Variants in MIGA2 observed in about 807,000 individuals in gnomAD.
MIGA2 encodes family with sequence similarity 73, member B.
A neutral mutation model predicts 69.9 loss-of-function variants in MIGA2; 36 were observed. The ratio of observed to expected loss-of-function variants is 0.52; its 90% confidence interval spans 0.39 to 0.68. The LOEUF is 0.68. MIGA2 is among the 30% of genes least tolerant of loss of function. The probability of loss-of-function intolerance (pLI) is 0.00; values close to 1 mark genes in which losing one functional copy is unlikely to be tolerated. For synonymous variants in MIGA2, 333 were observed against 349.2 expected (o/e 0.95, Z 0.52); for missense variants, 660 against 787.7 (o/e 0.84, Z 1.94).
chr9:129,060,827 G>T lies in MIGA2; in HGVS notation c.894+177G>T, dbSNP rs930253400. On this transcript the variant is annotated intron_variant, in intron 8 of 15. Coordinates refer to ENST00000684074, the MANE Select transcript of MIGA2 (RefSeq NM_001329990.2). The surrounding 1 kb of genome is among the most constrained non-coding windows in gnomAD (Gnocchi z 4.8). ...GGATGGGGGGTGCTGAGAAATCGGG[G>T]GCTGTTGTCCTGTGGGTGAGAGCAG... Among the ~76,000 whole-genome samples the T allele has an allele frequency of 5.9e-5, 9 of 152,004 alleles. No individual in the cohort carries two copies. Among genetic ancestry groups the T allele is most frequent in the African/African-American group, 2.2e-4 (9 of 41,414 alleles).
Position 129,040,690 on chromosome 9 carries a change from G to C in MIGA2, c.96G>C (p.Gln32His), listed in dbSNP as rs1264625408. ...TGTTCCTGTACACGACGTTTGGGCA[G>C]GTAAGGATCAGGGTGGGTTGTACCT... ...IPVFLYTTFG[Q>H]SAFSQLRLTP... is the part of the protein sequence containing the mutation. Residue 32 changes from glutamine to histidine, a missense_variant and splice_region_variant, in exon 2 of 16, where the codon CAG becomes CAC. Around this residue, in one of 3 missense-constraint regions of MIGA2, gnomAD observed 54 missense variants for 84.0 expected, o/e 0.64. Transcript: ENST00000684074. 6.2e-7 allele frequency: 1 copy of C among 1,613,008 alleles called. No individual in the cohort carries two copies. Among genetic ancestry groups the C allele is most frequent in the African/African-American group, 1.3e-5 (1 of 74,928 alleles).
chr9:129,056,081 C>A (rs74367449), intron 6 of MIGA2, among the ~76,000 whole-genome samples: 1 of 147,432 alleles, frequency 6.8e-6, no homozygotes, highest in East Asian at 2.0e-4. Flanking sequence ...AGCCCATGAT[C>A]TCATCACTGC....
intron 6 of MIGA2, among the ~76,000 whole-genome samples, chr9:129,054,871 G>A (rs958003385): frequency 6.6e-5 from 10 of 152,122 alleles, no homozygotes; most frequent in Non-Finnish European, 7.3e-5. Context: ...GAGTGAAATT[G>A]CGGGGATCAC....
intron 6 of MIGA2, 55 bp downstream of exon 6, chr9:129,050,018 A>T: frequency 1.9e-6 from 3 of 1,565,770 alleles, no homozygotes; most frequent in Non-Finnish European, 2.6e-6. Flanking sequence ...GCAGCACAGG[A>T]GAGGGGCGGC....
At position 129,054,960 on chromosome 9, in the gene MIGA2, C is replaced by T. The variant is rs7858609; in HGVS notation, c.676-4194C>T. The stretch of plus-strand genomic sequence containing the variant: ...TGGCTGGCGTGCAGTGGCACAATCT[C>T]GGCTCACCACAACCTCCACCCCCCA... On this transcript the variant is annotated intron_variant, in intron 6 of 15. Transcript: ENST00000684074. 2.0e-3 allele frequency among the ~76,000 whole-genome samples: 305 copies of T among 151,260 alleles called. 1 individual carries two copies. Among genetic ancestry groups the T allele is most frequent in the African/African-American group, 6.8e-3 (280 of 41,200 alleles).
chr9:129,040,410 G>A (rs1369657472), intron 1 of MIGA2, 42 bp from the exon 2 acceptor site: 10 of 1,324,652 alleles, frequency 7.5e-6, no homozygotes, highest in Middle Eastern at 2.0e-4. Context: ...GCATGTTCCC[G>A]TGTGCACGTT....
Position 129,064,720 on chromosome 9 carries a change from C to G in MIGA2, c.1170+1089C>G, listed in dbSNP as rs374906431. Among the ~76,000 whole-genome samples, 29 of 152,056 alleles carry G rather than the reference C, an allele frequency of 1.9e-4. No homozygotes were observed. In the East Asian group the frequency reaches 4.1e-3, roughly 21 times the overall value. ...AAGGGCCTGCTTCTAGTGCACCAGA[C>G]TTGCTGCCTGATCTGGGCTTTACAT... On this transcript the variant is annotated intron_variant, in intron 11 of 15. Coordinates refer to ENST00000684074, the MANE Select transcript of MIGA2 (RefSeq NM_001329990.2).
chr9:129,061,349 G>A lies in MIGA2; in HGVS notation c.1010+3G>A. ...AGAGTGCCTTGCCGGACCCTCAGGT[G>A]AGCAGGTGTGGAGGGAGGGAGGGAG... On this transcript the variant is annotated splice_donor_region_variant and intron_variant, in intron 9 of 15. Transcript: ENST00000684074. The surrounding 1 kb of genome is among the most constrained non-coding windows in gnomAD (Gnocchi z 5.0). The A allele has an allele frequency of 6.5e-7, 1 of 1,546,036 alleles. No individual in the cohort carries two copies. The highest frequency in any genetic ancestry group is 8.9e-7 in the Non-Finnish European group (1 of 1,125,112).
intron 3 of MIGA2, among the ~76,000 whole-genome samples, chr9:129,045,849 G>GTT (rs373346685): frequency 3.7e-5 from 5 of 136,168 alleles, no homozygotes; most frequent in African/African-American, 8.1e-5. Context: ...TAAGTGTTTT[G>GTT]TTTTTTTTTT....
intron 1 of MIGA2, among the ~76,000 whole-genome samples, chr9:129,037,290 G>A (rs1026149402): frequency 6.6e-6 from 1 of 152,140 alleles, no homozygotes; most frequent in African/African-American, 2.4e-5. Context: ...TCTAGCGCAG[G>A]GGAGGAGGCG....
intron 6 of MIGA2, among the ~76,000 whole-genome samples, chr9:129,058,600 A>G (rs181926805): frequency 6.6e-6 from 1 of 150,934 alleles, no homozygotes; most frequent in African/African-American, 2.4e-5. Context: ...CCCAGGTTCA[A>G]GCAATTCTCC....
rs530974334 is a variant in MIGA2 at position 129,069,600 on chromosome 9, G to T, written c.1459-249G>T. On this transcript the variant is annotated intron_variant, in intron 14 of 15. Coordinates refer to ENST00000684074, the MANE Select transcript of MIGA2 (RefSeq NM_001329990.2). The surrounding 1 kb of genome is among the most constrained non-coding windows in gnomAD (Gnocchi z 4.9). ...AGCTGATACCAGCTGCCGTGGCCAC[G>T]TGCTCCAGGCACTTCCCGCGGAGCC... 3.6e-6 allele frequency: 2 copies of T among 563,072 alleles called. No homozygotes were observed. Among genetic ancestry groups the T allele is most frequent in the Admixed American group, 3.1e-5 (1 of 32,680 alleles). 34.9% of individuals were successfully genotyped at this position (563,072 alleles called of 1,614,324 possible). A position where few individuals can be genotyped will look rare whatever the true frequency, so the allele number is the denominator to read the frequency against.
Position 129,049,369 on chromosome 9 carries a change from A to G in MIGA2, c.421-12A>G. On this transcript the variant is annotated splice_polypyrimidine_tract_variant and intron_variant, in intron 4 of 15. Transcript: ENST00000684074. Reference sequence around the variant, plus strand: ...AGCTTCACTCTTTCTTCTTGCACTGATTGGCGCCCAGATGATGGCAGTGAA... The same window carrying G: ...AGCTTCACTCTTTCTTCTTGCACTGGTTGGCGCCCAGATGATGGCAGTGAA... 1 of 1,612,560 alleles carries G rather than the reference A, an allele frequency of 6.2e-7. No homozygotes were observed. The highest frequency in any genetic ancestry group is 8.5e-7 in the Non-Finnish European group (1 of 1,179,270).
rs377722638 is a variant in MIGA2 at position 129,059,243 on chromosome 9, C to G, written c.765C>G (p.Phe255Leu). The change falls in exon 7 of 16, where the codon TTC becomes TTG. Residue 255 changes from phenylalanine to leucine, a missense_variant. By Grantham distance (22) the Phe-to-Leu change is conservative. Transcript: ENST00000684074. The surrounding 1 kb of genome is among the most constrained non-coding windows in gnomAD (Gnocchi z 5.6). ...YHLQEEFGST[F>L]PADSMLLDLE... is the part of the protein sequence containing the mutation. ...TGCAGGAGGAGTTCGGCTCCACCTTCCCCGCAGACAGCATGCTGCTAGACC... is the reference window on the plus strand; with the variant it reads ...TGCAGGAGGAGTTCGGCTCCACCTTGCCCGCAGACAGCATGCTGCTAGACC... 6.3e-5 allele frequency: 101 copies of G among 1,592,264 alleles called. No individual in the cohort carries two copies. Among genetic ancestry groups the G allele is most frequent in the Non-Finnish European group, 8.5e-5 (99 of 1,168,474 alleles).
Position 129,049,983 on chromosome 9 carries a change from C to T in MIGA2, c.675+20C>T, listed in dbSNP as rs943626792. On this transcript the variant is annotated intron_variant, in intron 6 of 15. Transcript: ENST00000684074. ...TCTGAGGTAGGTGGTCTTCTGCATC[C>T]CCCTACGCCCATGGGATAAAGTTGG... 8.2e-6 allele frequency: 13 copies of T among 1,595,060 alleles called. No individual in the cohort carries two copies. Among genetic ancestry groups the T allele is most frequent in the Non-Finnish European group, 1.1e-5 (13 of 1,169,624 alleles).
intron 3 of MIGA2, among the ~76,000 whole-genome samples, chr9:129,048,026 C>G (rs867410641): frequency 6.6e-6 from 1 of 152,152 alleles, no homozygotes; most frequent in Non-Finnish European, 1.5e-5. Flanking sequence ...CCACCGTGCC[C>G]GGCCTTTTGT....
rs369150890 is a variant in MIGA2 at position 129,068,070 on chromosome 9, G to A, written c.1270-128G>A. The A allele has an allele frequency of 6.0e-5, 85 of 1,405,088 alleles. No individual in the cohort carries two copies. The highest frequency in any genetic ancestry group is 4.7e-4 in the African/African-American group (33 of 70,832). 87.0% of individuals were successfully genotyped at this position (1,405,088 alleles called of 1,614,324 possible). ...AGCTACACCCGTTGCACAGCAGAGC[G>A]GGAAAGACGTGTCCCCCCCACGTGT... On this transcript the variant is annotated intron_variant, in intron 12 of 15. Transcript: ENST00000684074. This position sits in a 1 kb window ranked among gnomAD's most constrained non-coding sequence, Gnocchi z 4.1.
At chr9:129,045,473 A>G (rs543763351) in intron 3 of MIGA2, among the ~76,000 whole-genome samples, 36 of 150,402 alleles carry the variant, frequency 2.4e-4, no homozygotes, top group African/African-American at 8.8e-4. Flanking sequence ...AAAAAGCAAA[A>G]GTAGACCGGG....
intron 6 of MIGA2, among the ~76,000 whole-genome samples, chr9:129,050,822 T>G (rs1845488420): frequency 6.6e-6 from 1 of 151,922 alleles, no homozygotes; most frequent in South Asian, 2.1e-4. Flanking sequence ...CCGCCTGCCT[T>G]GGCTTCCCAA....
Sources: allele counts gnomAD v4.1 joint callset (sites outside exome capture counted in the v4.1 genomes callset), GRCh38; gene constraint gnomAD v4.1.1; regional missense constraint gnomAD v4.1.1; non-coding constraint Gnocchi (gnomAD v3.1); transcripts MANE v1.5; gene names NCBI Gene and HGNC (gene_info 2026-07-23, HGNC 2026-07-21).